The following CTNND2 variants were observed in gnomAD, a reference collection of about 807,000 sequenced individuals.
The protein encoded by CTNND2 is catenin delta-2.
CTNND2 carries 22 observed loss-of-function variants against 144.4 expected under a neutral mutation model. That is an observed-to-expected ratio of 0.15 (90% CI 0.11 to 0.22). The LOEUF is 0.22. Among genes scored for constraint, CTNND2 ranks in the 10% least tolerant of loss-of-function variants. The probability of loss-of-function intolerance (pLI) is 1.00; values close to 1 mark genes in which losing one functional copy is unlikely to be tolerated. For missense variants in CTNND2, 1,353 were observed against 1,618.8 expected (o/e 0.84, Z 2.82); for synonymous variants, 751 against 695.6 (o/e 1.08, Z -1.25).
intron 1 of CTNND2, among the ~76,000 whole-genome samples, chr5:11,891,654 G>A (rs1472064974): frequency 5.9e-5 from 9 of 152,278 alleles, no homozygotes; most frequent in South Asian, 2.1e-4. Flanking sequence ...GCAGGAAGGC[G>A]GCCATCTGCA....
intron 6 of CTNND2, among the ~76,000 whole-genome samples, chr5:11,395,830 G>A (rs888578436): frequency 2.6e-5 from 4 of 152,244 alleles, no homozygotes; most frequent in Non-Finnish European, 5.9e-5. Context: ...CTTCAATAAT[G>A]TGAATGTCAC....
chr5:11,605,629 T>C (rs1320294621), intron 2 of CTNND2, among the ~76,000 whole-genome samples: 1 of 152,108 alleles, frequency 6.6e-6, no homozygotes, highest in East Asian at 1.9e-4. Flanking sequence ...TCTAGAATAA[T>C]AGGAGTCATA....
At position 11,692,637 on chromosome 5, in the gene CTNND2, T is replaced by C. The variant is rs1020533946; in HGVS notation, c.174+39499A>G. On this transcript the variant is annotated intron_variant, in intron 2 of 21. Coordinates refer to ENST00000304623, the MANE Select transcript of CTNND2 (RefSeq NM_001332.4). ...TTTTATTTGAGATGGAGTATCGCTC[T>C]GTTGCCCAGGCTGGAGTGCAGTGGC... is the stretch of plus-strand genomic sequence containing the variant. Among the ~76,000 whole-genome samples, 5 of 152,382 alleles carry C rather than the reference T, an allele frequency of 3.3e-5. No individual in the cohort carries two copies. The South Asian group carries it at 8.3e-4, about 25-fold the overall frequency.
intron 2 of CTNND2, among the ~76,000 whole-genome samples, chr5:11,622,350 T>C (rs895121991): frequency 2.0e-5 from 3 of 152,156 alleles, no homozygotes; most frequent in Admixed American, 6.6e-5. Flanking sequence ...GTACCCTTGA[T>C]TGAGGGTAAG....
Position 11,771,192 on chromosome 5 carries a change from C to CTTTTTTTTTTTTTT in CTNND2, c.38-38934_38-38921dup, listed in dbSNP as rs34686102. On this transcript the variant is annotated intron_variant, in intron 1 of 21. Coordinates refer to ENST00000304623, the MANE Select transcript of CTNND2 (RefSeq NM_001332.4). Reference sequence around the variant, plus strand: ...CTCTATCATGAACCCACATTGTTAGCTTTTTTTTTTTTTTTTTGGGATGGA... The same window carrying CTTTTTTTTTTTTTT: ...CTCTATCATGAACCCACATTGTTAGCTTTTTTTTTTTTTTTTTTTTTTTTTTTTTTTGGGATGGA... Among the ~76,000 whole-genome samples, 29 of 103,776 alleles carry CTTTTTTTTTTTTTT rather than the reference C, an allele frequency of 2.8e-4. 2 individuals carry two copies. The highest frequency in any genetic ancestry group is 4.6e-4 in the Non-Finnish European group (26 of 56,204). 68.1% of individuals were successfully genotyped at this position (103,776 alleles called of 152,430 possible). A position where few individuals can be genotyped will look rare whatever the true frequency, so the allele number is the denominator to read the frequency against.
intron 1 of CTNND2, among the ~76,000 whole-genome samples, chr5:11,761,556 C>T (rs1426777637): frequency 1.3e-5 from 2 of 149,148 alleles, no homozygotes; most frequent in African/African-American, 5.2e-5. Context: ...ATCGCTTTTT[C>T]ACCAAGGAAA....
chr5:11,849,450 T>G (rs780274580), intron 1 of CTNND2, among the ~76,000 whole-genome samples: 2 of 152,198 alleles, frequency 1.3e-5, no homozygotes, highest in African/African-American at 4.8e-5. Context: ...TTTTTACTTA[T>G]GAGAGTCTGT....
chr5:11,899,698 C>A (rs1212372482), intron 1 of CTNND2, among the ~76,000 whole-genome samples: 2 of 152,168 alleles, frequency 1.3e-5, no homozygotes, highest in African/African-American at 4.8e-5. Context: ...TTGTAATTTA[C>A]AAGCCACTTA....
chr5:11,732,227 G>C lies in CTNND2; in HGVS notation c.83C>G (p.Thr28Arg), dbSNP rs140086280. ...PDQPSSASEKTSSLSPGLNTS... is the reference protein window; with the variant it reads ...PDQPSSASEKRSSLSPGLNTS... ...GTTTAAGCCGGGGCTCAGGGAACTC[G>C]TCTTCTCTGAGGCTGATGAAGGCTG... is the stretch of plus-strand genomic sequence containing the variant. Residue 28 changes from threonine to arginine, a missense_variant, in exon 2 of 22, where the codon ACG (threonine) becomes AGG (arginine). This residue lies in a region of CTNND2 where 708 missense variants were observed against 706.4 expected (regional missense o/e 1.00). Coordinates refer to ENST00000304623, the MANE Select transcript of CTNND2 (RefSeq NM_001332.4). The C allele has an allele frequency of 1.5e-5, 25 of 1,613,796 alleles. No individual in the cohort carries two copies. The highest frequency in any genetic ancestry group is 4.4e-5 in the South Asian group (4 of 91,068).
chr5:11,352,205 G>GT (rs1326023782), intron 8 of CTNND2, among the ~76,000 whole-genome samples: 1 of 152,098 alleles, frequency 6.6e-6, no homozygotes, highest in Non-Finnish European at 1.5e-5. Context: ...TGTTGACCTT[G>GT]TTTTCCCTGC....
chr5:11,069,467 T>C (rs1190654185), intron 16 of CTNND2, among the ~76,000 whole-genome samples: 1 of 152,198 alleles, frequency 6.6e-6, no homozygotes, highest in East Asian at 1.9e-4. Context: ...ATGAAAATGT[T>C]ATCCGTAGGG....
At chr5:11,556,136 T>C (rs1776211673) in intron 3 of CTNND2, among the ~76,000 whole-genome samples, 1 of 152,152 alleles carries the variant, frequency 6.6e-6, no homozygotes, top group South Asian at 2.1e-4. Flanking sequence ...AGAAATTATA[T>C]TTAATAAAAA....
intron 1 of CTNND2, among the ~76,000 whole-genome samples, chr5:11,751,649 G>A (rs919605937): frequency 6.6e-6 from 1 of 151,842 alleles, no homozygotes; most frequent in Admixed American, 6.6e-5. Context: ...GGCCATTTAG[G>A]TTGATTCCAC....
intron 9 of CTNND2, among the ~76,000 whole-genome samples, chr5:11,300,587 C>T (rs183197929): frequency 6.6e-6 from 1 of 152,098 alleles, no homozygotes; most frequent in East Asian, 1.9e-4. Flanking sequence ...GCAAGTAATA[C>T]AGGACACCCA....
At chr5:11,134,394 C>A (rs1755922527) in intron 12 of CTNND2, among the ~76,000 whole-genome samples, 1 of 152,194 alleles carries the variant, frequency 6.6e-6, no homozygotes, top group Non-Finnish European at 1.5e-5. Context: ...TCGAGAGGCT[C>A]CAAACAGAGA....
intron 9 of CTNND2, among the ~76,000 whole-genome samples, chr5:11,251,967 T>C (rs1743700569): frequency 1.3e-5 from 2 of 152,212 alleles, no homozygotes; most frequent in East Asian, 3.8e-4. Context: ...CTATAAATTT[T>C]GGGGAAAACA....
intron 3 of CTNND2, among the ~76,000 whole-genome samples, chr5:11,551,322 A>T (rs1775738975): frequency 6.7e-6 from 1 of 150,038 alleles, no homozygotes; most frequent in African/African-American, 2.4e-5. Context: ...TGCATCCCTG[A>T]CAAAGAAATA....
intron 3 of CTNND2, among the ~76,000 whole-genome samples, chr5:11,512,358 T>C (rs1039968137): frequency 3.3e-5 from 5 of 152,220 alleles, no homozygotes; most frequent in African/African-American, 1.2e-4. Flanking sequence ...TTCTCCTAAA[T>C]CTAGGCAGTT....
chr5:11,480,312 T>C (rs1768124152), intron 3 of CTNND2, among the ~76,000 whole-genome samples: 1 of 152,234 alleles, frequency 6.6e-6, no homozygotes, highest in Non-Finnish European at 1.5e-5. Context: ...GTTTGAACTT[T>C]TAATTCACCA....
Sources: allele counts gnomAD v4.1 joint callset (sites outside exome capture counted in the v4.1 genomes callset), GRCh38; gene constraint gnomAD v4.1.1; regional missense constraint gnomAD v4.1.1; transcripts MANE v1.5; gene names NCBI Gene and HGNC (gene_info 2026-07-23, HGNC 2026-07-21).